C8orf34: variants seen among roughly 807,000 people sequenced by gnomAD.
C8orf34 encodes uncharacterized protein C8orf34.
Under a neutral mutation model 68.3 loss-of-function variants are expected in C8orf34, and 65 were observed. The ratio of observed to expected loss-of-function variants is 0.95; its 90% CI spans 0.78 to 1.17. C8orf34 has a LOEUF of 1.17. Among genes scored for constraint, C8orf34 ranks in the 50% most tolerant of loss-of-function variants. The pLI, the probability that C8orf34 is intolerant of heterozygous loss-of-function variation, is 0.00. For missense variants in C8orf34, 664 were observed against 655.4 expected, an observed-to-expected ratio of 1.01 and a Z score of -0.14; for synonymous variants, 244 against 241.2, an observed-to-expected ratio of 1.01 and a Z score of -0.11.
chr8:68,781,610 A>C (rs1412650030), intron 11 of C8orf34, among the ~76,000 whole-genome samples: 1 of 152,124 alleles, frequency 6.6e-6, no homozygotes, highest in Non-Finnish European at 1.5e-5. Context: ...TAGCTCTTTG[A>C]CCCCATCAAA....
chr8:68,747,126 A>T (rs1822526914), intron 10 of C8orf34, among the ~76,000 whole-genome samples: 1 of 152,134 alleles, frequency 6.6e-6, no homozygotes, highest in South Asian at 2.1e-4. Flanking sequence ...AGAACCAAAG[A>T]CAAAAACCAC....
intron 8 of C8orf34, among the ~76,000 whole-genome samples, chr8:68,649,471 T>C (rs1819278764): frequency 6.6e-6 from 1 of 152,124 alleles, no homozygotes; most frequent in Non-Finnish European, 1.5e-5. Context: ...CCAGATGTGA[T>C]TGGTTGCAAT....
At chr8:68,783,090 A>G (rs1823729300) in intron 11 of C8orf34, among the ~76,000 whole-genome samples, 1 of 151,756 alleles carries the variant, frequency 6.6e-6, no homozygotes, top group South Asian at 2.1e-4. Flanking sequence ...AGAAAAAAGA[A>G]AAAGAAAATC....
intron 8 of C8orf34, among the ~76,000 whole-genome samples, chr8:68,704,133 C>G (rs781482494): frequency 1.2e-4 from 18 of 152,094 alleles, no homozygotes; most frequent in Non-Finnish European, 2.4e-4. Context: ...AAACAAAATC[C>G]TTTCCTTTAA....
intron 8 of C8orf34, among the ~76,000 whole-genome samples, chr8:68,679,131 C>A (rs1458324083): frequency 6.6e-6 from 1 of 151,628 alleles, no homozygotes; most frequent in African/African-American, 2.4e-5. Flanking sequence ...ACTAAAAATA[C>A]AAAAAATTAG....
intron 2 of C8orf34, among the ~76,000 whole-genome samples, chr8:68,444,385 CA>C (rs1811036626): frequency 6.6e-6 from 1 of 152,070 alleles, no homozygotes; most frequent in African/African-American, 2.4e-5. Flanking sequence ...CACATTCCAA[CA>C]TTTAATAGCT....
At chr8:68,734,772 C>T (rs1425759075) in intron 10 of C8orf34, among the ~76,000 whole-genome samples, 1 of 152,164 alleles carries the variant, frequency 6.6e-6, no homozygotes, top group Non-Finnish European at 1.5e-5. Flanking sequence ...TCTTATTTGT[C>T]CACATGACTG....
chr8:68,599,514 A>G (rs1469788), intron 7 of C8orf34, among the ~76,000 whole-genome samples: 21,544 of 151,996 alleles, frequency 0.14, 2,153 homozygotes, highest in African/African-American at 0.28. Context: ...AAATAGGCCA[A>G]TGTGAAAAAA....
intron 8 of C8orf34, among the ~76,000 whole-genome samples, chr8:68,664,146 T>G (rs530907514): frequency 6.6e-6 from 1 of 152,144 alleles, no homozygotes; most frequent in Non-Finnish European, 1.5e-5. Flanking sequence ...GAAACTTCCT[T>G]TTCCTTGGTC....
intron 6 of C8orf34, among the ~76,000 whole-genome samples, chr8:68,527,270 G>C (rs369504835): frequency 6.6e-6 from 1 of 152,058 alleles, no homozygotes; most frequent in African/African-American, 2.4e-5. Flanking sequence ...TCATCCTTAT[G>C]AAAACACTAT....
intron 12 of C8orf34, among the ~76,000 whole-genome samples, chr8:68,790,085 C>T (rs181803579): frequency 1.4e-4 from 21 of 152,246 alleles, no homozygotes; most frequent in Non-Finnish European, 2.6e-4. Flanking sequence ...AGCCAAGCTC[C>T]CAGCACAGAG....
At chr8:68,600,937 C>T (rs1038163668) in intron 7 of C8orf34, among the ~76,000 whole-genome samples, 1 of 152,172 alleles carries the variant, frequency 6.6e-6, no homozygotes, top group Admixed American at 6.5e-5. Flanking sequence ...TTCCCAGCCT[C>T]TGGGTAATCA....
In C8orf34 at chr8:68,331,115, C is replaced by T. The variant is rs1286719322; in HGVS notation, c.103C>T (p.His35Tyr). The change falls in exon 1 of 14, where the codon CAC becomes TAC. Residue 35 changes from histidine to tyrosine, a missense_variant. His to Tyr is a moderately conservative substitution (Grantham distance 83). Coordinates refer to ENST00000518698, the MANE Select transcript of C8orf34 (RefSeq NM_052958.4). ...GCGCGTGGCTCCCCGGGCTGCCACCCACGCCCGCGGCCGGGGCCGAGCCAG... is the reference window on the plus strand; with the variant it reads ...GCGCGTGGCTCCCCGGGCTGCCACCTACGCCCGCGGCCGGGGCCGAGCCAG... Reference protein sequence around the residue: ...HARVAPRAATHARGRGRASHA... With the variant: ...HARVAPRAATYARGRGRASHA... The T allele has an allele frequency of 6.6e-7, 1 of 1,507,620 alleles. No homozygotes were observed. The allele number at this position is 1,507,620 out of a possible 1,614,324, so 93.4% of individuals were successfully genotyped here. A position where few individuals can be genotyped will look rare whatever the true frequency, so the allele number is the denominator to read the frequency against.
chr8:68,748,220 T>C (rs1301411023), intron 10 of C8orf34, among the ~76,000 whole-genome samples: 1 of 132,958 alleles, frequency 7.5e-6, no homozygotes, highest in Non-Finnish European at 1.6e-5. Context: ...CCTTAAACCT[T>C]ATACAAAAAT....
intron 5 of C8orf34, among the ~76,000 whole-genome samples, chr8:68,491,867 A>G (rs1813328545): frequency 6.6e-6 from 1 of 152,160 alleles, no homozygotes; most frequent in South Asian, 2.1e-4. Flanking sequence ...TTATATCTGT[A>G]TGTGGTTCTT....
chr8:68,542,440 C>T (rs555383408), intron 7 of C8orf34, among the ~76,000 whole-genome samples: 16 of 152,080 alleles, frequency 1.1e-4, no homozygotes, highest in South Asian at 4.1e-4. Flanking sequence ...CTTTTCTTTA[C>T]GGACTTTTTC....
chr8:68,464,149 C>G (rs1415005723), intron 3 of C8orf34, among the ~76,000 whole-genome samples: 1 of 152,138 alleles, frequency 6.6e-6, no homozygotes, highest in Non-Finnish European at 1.5e-5. Flanking sequence ...ACACCAATAA[C>G]AGACAAACCG....
intron 7 of C8orf34, among the ~76,000 whole-genome samples, chr8:68,610,826 A>T (rs1817994487): frequency 6.7e-6 from 1 of 148,802 alleles, no homozygotes; most frequent in African/African-American, 2.5e-5. Context: ...AAAAAATTGG[A>T]TTAATTCATG....
intron 7 of C8orf34, among the ~76,000 whole-genome samples, chr8:68,605,930 G>A (rs1817840323): frequency 6.6e-6 from 1 of 152,080 alleles, no homozygotes; most frequent in South Asian, 2.1e-4. Context: ...GAACCCCTGG[G>A]GGATGTTGAT....
Sources: allele counts gnomAD v4.1 joint callset (sites outside exome capture counted in the v4.1 genomes callset), GRCh38; gene constraint gnomAD v4.1.1; transcripts MANE v1.5; gene names NCBI Gene and HGNC (gene_info 2026-07-23, HGNC 2026-07-21).